Variants in SCHIP1 observed in about 807,000 individuals in gnomAD.
SCHIP1 encodes schwannomin interacting protein 1.
In SCHIP1, 8 loss-of-function variants were observed where a neutral mutation model predicts 29.7. The observed-to-expected ratio is 0.27, with a 90% CI of 0.16 to 0.49. SCHIP1 has a LOEUF of 0.49. Ranked by LOEUF, SCHIP1 falls within the 20% of genes least tolerant of loss-of-function variation. The pLI, the probability that SCHIP1 is intolerant of heterozygous loss-of-function variation, is 0.99. For missense variants in SCHIP1, 193 were observed against 294.6 expected (o/e 0.66, Z 2.52); for synonymous variants, 76 against 94.9 (o/e 0.80, Z 1.16).
chr3:159,743,639 T>C, the SCHIP1 span, among the ~76,000 whole-genome samples: 2 of 152,204 alleles, frequency 1.3e-5, no homozygotes, highest in Non-Finnish European at 2.9e-5. Flanking sequence ...AATCAAGTTG[T>C]AAAGAGCTGG....
the SCHIP1 span, among the ~76,000 whole-genome samples, chr3:159,713,204 GAA>G: frequency 1.7e-4 from 20 of 120,960 alleles, no homozygotes; most frequent in African/African-American, 6.8e-4. Flanking sequence ...GAGAAAGAAA[GAA>G]AGAGAGAGAG....
At chr3:159,588,811 T>C in the SCHIP1 span, among the ~76,000 whole-genome samples, 1 of 152,220 alleles carries the variant, frequency 6.6e-6, no homozygotes, top group East Asian at 1.9e-4. Flanking sequence ...TCTGTTCTGT[T>C]CCATTGGTCT....
At chr3:159,511,209 A>G in the SCHIP1 span, among the ~76,000 whole-genome samples, 3 of 152,150 alleles carry the variant, frequency 2.0e-5, no homozygotes, top group Admixed American at 1.3e-4. Context: ...TTGCAGTTCA[A>G]TCTCAGGCTG....
Position 159,861,791 on chromosome 3 carries a change from A to G in SCHIP1, c.31-4372A>G, listed in dbSNP as rs546465983. On this transcript the variant is annotated intron_variant, in intron 1 of 6. Transcript: ENST00000445224. This position sits in a 1 kb window ranked among gnomAD's most constrained non-coding sequence, Gnocchi z 4.1. ...TCCCAAGGCTGTTTTAGGAGTGGAC[A>G]TGGTTCTGCCTGTCATAAGTGCAGC... Among the ~76,000 whole-genome samples the G allele has an allele frequency of 6.6e-6, 1 of 152,298 alleles. No individual in the cohort carries two copies. The highest frequency in any genetic ancestry group is 2.1e-4 in the South Asian group (1 of 4,826).
the SCHIP1 span, among the ~76,000 whole-genome samples, chr3:159,585,158 A>C: frequency 6.6e-6 from 1 of 151,600 alleles, no homozygotes; most frequent in African/African-American, 2.4e-5. Flanking sequence ...TAGATAATTG[A>C]CTTCTGTATT....
chr3:159,895,860 T>C (rs2109551525), intron 6 of SCHIP1, among the ~76,000 whole-genome samples: 1 of 152,290 alleles, frequency 6.6e-6, no homozygotes, highest in East Asian at 1.9e-4. Context: ...CATGCCCAGC[T>C]AATTTTTGTA....
At chr3:159,427,524 C>T in the SCHIP1 span, among the ~76,000 whole-genome samples, 1 of 152,134 alleles carries the variant, frequency 6.6e-6, no homozygotes, top group Non-Finnish European at 1.5e-5. Flanking sequence ...GAACTACAAA[C>T]CACTGCTCAA....
chr3:159,685,220 C>G, the SCHIP1 span, among the ~76,000 whole-genome samples: 1 of 152,138 alleles, frequency 6.6e-6, no homozygotes, highest in Non-Finnish European at 1.5e-5. Context: ...ATTGTAAATT[C>G]CACAATAGGA....
At chr3:159,555,507 T>C in the SCHIP1 span, among the ~76,000 whole-genome samples, 9 of 152,340 alleles carry the variant, frequency 5.9e-5, no homozygotes, top group African/African-American at 2.2e-4. Flanking sequence ...TAAATGTCAT[T>C]TGGTACAAAT....
intron 5 of SCHIP1, among the ~76,000 whole-genome samples, chr3:159,889,293 A>G (rs550934600): frequency 6.6e-6 from 1 of 152,368 alleles, no homozygotes; most frequent in South Asian, 2.1e-4. Context: ...CTTTAGTTGT[A>G]TACACATTCA....
the SCHIP1 span, among the ~76,000 whole-genome samples, chr3:159,630,289 A>T: frequency 6.6e-6 from 1 of 152,186 alleles, no homozygotes; most frequent in African/African-American, 2.4e-5. Flanking sequence ...ACACTGTATG[A>T]CCTCATCTAC....
chr3:159,596,209 C>A, the SCHIP1 span, among the ~76,000 whole-genome samples: 4 of 152,216 alleles, frequency 2.6e-5, no homozygotes, highest in Admixed American at 6.5e-5. Context: ...TGCTCACCAT[C>A]ACTGGCCATC....
At chr3:159,892,489 C>G (rs1336673522) in intron 6 of SCHIP1, 1 of 553,760 alleles carries the variant, frequency 1.8e-6, no homozygotes, top group East Asian at 2.9e-5. Flanking sequence ...AAGGACTGTC[C>G]CCTGGGAAGC....
At chr3:159,578,884 T>A in the SCHIP1 span, among the ~76,000 whole-genome samples, 1 of 152,146 alleles carries the variant, frequency 6.6e-6, no homozygotes, top group Non-Finnish European at 1.5e-5. Context: ...CATCTCAAGA[T>A]CCTTAATTTA....
At chr3:159,422,567 C>T in the SCHIP1 span, among the ~76,000 whole-genome samples, 1 of 152,176 alleles carries the variant, frequency 6.6e-6, no homozygotes. Flanking sequence ...GATCAAGAAA[C>T]AGAAAAATGT....
At chr3:159,651,567 T>A in the SCHIP1 span, among the ~76,000 whole-genome samples, 1 of 152,326 alleles carries the variant, frequency 6.6e-6, no homozygotes, top group Non-Finnish European at 1.5e-5. Flanking sequence ...CACATTAAAA[T>A]GCATTTTTGT....
At chr3:159,440,101 G>A in the SCHIP1 span, among the ~76,000 whole-genome samples, 1 of 152,116 alleles carries the variant, frequency 6.6e-6, no homozygotes, top group Non-Finnish European at 1.5e-5. Context: ...AAGGGATCCA[G>A]TTTCAATTTT....
chr3:159,566,129 A>G, the SCHIP1 span, among the ~76,000 whole-genome samples: 63 of 152,306 alleles, frequency 4.1e-4, no homozygotes, highest in African/African-American at 1.5e-3. Flanking sequence ...GCAATGTAGA[A>G]TTTATACAAG....
the SCHIP1 span, among the ~76,000 whole-genome samples, chr3:159,624,654 T>C: frequency 6.6e-6 from 1 of 152,120 alleles, no homozygotes; most frequent in African/African-American, 2.4e-5. Context: ...GGAAGGCAGA[T>C]AGGCATCTAC....
Sources: allele counts gnomAD v4.1 joint callset (sites outside exome capture counted in the v4.1 genomes callset), GRCh38; gene constraint gnomAD v4.1.1; non-coding constraint Gnocchi (gnomAD v3.1); transcripts MANE v1.5; gene names NCBI Gene and HGNC (gene_info 2026-07-23, HGNC 2026-07-21).